Variants in GPX6 observed in about 807,000 individuals in gnomAD.
GPX6 encodes glutathione peroxidase 6 (olfactory).
A neutral mutation model predicts 20.0 loss-of-function variants in GPX6; 21 were observed. The observed-to-expected ratio is 1.05, with a 90% CI of 0.74 to 1.51. GPX6 has a LOEUF of 1.51. GPX6 is among the 40% of genes most tolerant of loss of function. The pLI is 0.00. For synonymous variants in GPX6, 75 were observed against 98.0 expected (o/e 0.77, Z 1.38); for missense variants, 233 against 254.7 (o/e 0.91, Z 0.58).
intron 2 of GPX6, 106 bp downstream of exon 2, chr6:28,510,645 G>A: frequency 2.7e-6 from 3 of 1,096,110 alleles, no homozygotes; most frequent in Middle Eastern, 2.1e-4. Flanking sequence ...CACCTGATCA[G>A]TTCTCCCATC....
chr6:28,510,602 G>C, intron 2 of GPX6, 149 bp downstream of exon 2: 1 of 668,084 alleles, frequency 1.5e-6, no homozygotes, highest in East Asian at 2.8e-5. Context: ...ATTCTAAGGA[G>C]CAGAGCAGGA....
Position 28,510,884 on chromosome 6 carries a change from T to A in GPX6, c.108A>T (p.Val36=). ...CTCCATACTCATAGATGGTGCCTGT[T>A]ACCCCTTTGTTGCAATCCACCTGGA... ...QNRKVDCNKG[V]TGTIYEYGAL... is the part of the protein sequence containing the mutation. Residue 36 remains valine (V), a synonymous_variant, in exon 2 of 5, where the codon GTA becomes GTT. Transcript: ENST00000361902. The A allele has an allele frequency of 6.2e-7, 1 of 1,610,024 alleles. No homozygotes were observed. The highest frequency in any genetic ancestry group is 8.5e-7 in the Non-Finnish European group (1 of 1,177,678).
At chr6:28,506,653 C>T (rs1211710965) in intron 2 of GPX6, among the ~76,000 whole-genome samples, 1 of 150,366 alleles carries the variant, frequency 6.7e-6, no homozygotes, top group African/African-American at 2.4e-5. Flanking sequence ...TACAGTAGCT[C>T]CCATGCCTGG....
Position 28,506,441 on chromosome 6 carries a change from C to A in GPX6, c.242-12G>T. 6.6e-7 allele frequency: 1 copy of A among 1,511,980 alleles called. No individual in the cohort carries two copies. Among genetic ancestry groups the A allele is most frequent in the South Asian group, 1.1e-5 (1 of 89,206 alleles). The allele number at this position is 1,511,980 out of a possible 1,614,324, so 93.7% of individuals were successfully genotyped here. A position where few individuals can be genotyped will look rare whatever the true frequency, so the allele number is the denominator to read the frequency against. ...TAGTGCATTCAGTTCTGTAAGTGGA[C>A]AATGAATAGCAGGGGTGGGCTGGTC... On this transcript the variant is annotated splice_polypyrimidine_tract_variant and intron_variant, in intron 2 of 4. Coordinates refer to ENST00000361902, the MANE Select transcript of GPX6 (RefSeq NM_182701.1).
chr6:28,512,106 C>T (rs1467637516), intron 1 of GPX6, among the ~76,000 whole-genome samples: 4 of 152,250 alleles, frequency 2.6e-5, no homozygotes, highest in Non-Finnish European at 5.9e-5. Context: ...CGAGCCTCCC[C>T]GACGAGCACC....
intron 1 of GPX6, among the ~76,000 whole-genome samples, chr6:28,512,852 G>C (rs995293512): frequency 6.6e-6 from 1 of 151,942 alleles, no homozygotes; most frequent in Non-Finnish European, 1.5e-5. Context: ...CACTGACCGC[G>C]AGGCTTTGCA....
chr6:28,507,330 C>T (rs35818831), intron 2 of GPX6, among the ~76,000 whole-genome samples: 44 of 152,302 alleles, frequency 2.9e-4, no homozygotes, highest in Admixed American at 1.2e-3. Flanking sequence ...CGGTTGCTAT[C>T]GAAACTCATC....
chr6:28,510,696 G>C, intron 2 of GPX6, 55 bp downstream of exon 2: 1 of 1,568,322 alleles, frequency 6.4e-7, no homozygotes, highest in Non-Finnish European at 8.7e-7. Flanking sequence ...TCTGGAATTA[G>C]AATATGGCTA....
At chr6:28,508,429 A>G (rs935585574) in intron 2 of GPX6, among the ~76,000 whole-genome samples, 2 of 152,290 alleles carry the variant, frequency 1.3e-5, no homozygotes, top group Admixed American at 6.5e-5. Flanking sequence ...ACTAAATGAT[A>G]CTAAATTGTT....
chr6:28,506,706 A>AACACACACACACACACACACACAC (rs56155284), intron 2 of GPX6, among the ~76,000 whole-genome samples: 28 of 145,174 alleles, frequency 1.9e-4, no homozygotes, highest in African/African-American at 6.4e-4. Flanking sequence ...TTTTTTTTTA[A>AACACACACACACACACACACACAC]ACACACACAC....
chr6:28,505,555 TA>T, intron 4 of GPX6, 147 bp downstream of exon 4: 1 of 606,646 alleles, frequency 1.6e-6, no homozygotes. Context: ...TACTTAAAGC[TA>T]AAGCATCACA....
chr6:28,506,051 T>G (rs1278008978), intron 3 of GPX6, among the ~76,000 whole-genome samples: 1 of 152,248 alleles, frequency 6.6e-6, no homozygotes, highest in Non-Finnish European at 1.5e-5. Flanking sequence ...CTTCCATTTC[T>G]TATTTCTTAT....
intron 2 of GPX6, among the ~76,000 whole-genome samples, chr6:28,508,669 A>G (rs1273289297): frequency 6.6e-6 from 1 of 151,762 alleles, no homozygotes; most frequent in Non-Finnish European, 1.5e-5. Context: ...TAGCTGGGCG[A>G]GGTGATATGC....
chr6:28,505,434 T>C (rs1423985056), intron 4 of GPX6, among the ~76,000 whole-genome samples: 1 of 152,250 alleles, frequency 6.6e-6, no homozygotes, highest in Non-Finnish European at 1.5e-5. Context: ...GTTTGTTAAC[T>C]CATATAGCAC....
intron 2 of GPX6, among the ~76,000 whole-genome samples, chr6:28,507,677 G>A (rs1373515774): frequency 6.6e-6 from 1 of 152,216 alleles, no homozygotes; most frequent in African/African-American, 2.4e-5. Context: ...AGATTCTCAT[G>A]CTTTAGCCTC....
At position 28,512,614 on chromosome 6, in the gene GPX6, C is replaced by T. The variant is rs186423030; in HGVS notation, c.88-1710G>A. Among the ~76,000 whole-genome samples, 137 of 152,278 alleles carry T rather than the reference C, an allele frequency of 9.0e-4. 2 individuals are homozygous for T. The highest frequency in any genetic ancestry group is 2.5e-4 in the Non-Finnish European group (17 of 68,006). On this transcript the variant is annotated intron_variant, in intron 1 of 4. Transcript: ENST00000361902. ...GCCAGATAAGAATAAAAGGCGGCTG[C>T]CGGAGCCAGCAGTGGCAGCCCCCGT...
intron 1 of GPX6, among the ~76,000 whole-genome samples, chr6:28,511,985 G>A (rs1340157150): frequency 6.6e-6 from 1 of 152,266 alleles, no homozygotes; most frequent in East Asian, 1.9e-4. Flanking sequence ...GCCAGCAGCT[G>A]CTGTGCTCGA....
chr6:28,509,657 C>T (rs1018807640), intron 2 of GPX6, among the ~76,000 whole-genome samples: 1 of 152,130 alleles, frequency 6.6e-6, no homozygotes, highest in African/African-American at 2.4e-5. Flanking sequence ...TTGGCCCGTC[C>T]AAAGCTGTAT....
intron 1 of GPX6, among the ~76,000 whole-genome samples, chr6:28,513,369 A>T (rs1432897999): frequency 6.6e-6 from 1 of 152,098 alleles, no homozygotes; most frequent in Admixed American, 6.6e-5. Flanking sequence ...ACTCCTAGAC[A>T]CTGCCTTAAG....
Sources: allele counts gnomAD v4.1 joint callset (sites outside exome capture counted in the v4.1 genomes callset), GRCh38; gene constraint gnomAD v4.1.1; transcripts MANE v1.5; gene names NCBI Gene and HGNC (gene_info 2026-07-23, HGNC 2026-07-21).